NR5A2: variants seen among roughly 807,000 people sequenced by gnomAD.
NR5A2 encodes nuclear receptor subfamily 5 group A member 2, also known as CYP7A promoter-binding factor.
NR5A2 carries 26 observed loss-of-function variants against 62.7 expected under a neutral mutation model. That is an observed-to-expected ratio of 0.41 (90% CI 0.30 to 0.58). The LOEUF (loss-of-function observed/expected upper bound fraction) is 0.58. NR5A2 is among the 20% of genes least tolerant of loss of function. The pLI is 0.22. For missense variants in NR5A2, 541 were observed against 669.1 expected (o/e 0.81, Z 2.11); for synonymous variants, 246 against 241.7 (o/e 1.02, Z -0.16).
intron 7 of NR5A2, among the ~76,000 whole-genome samples, chr1:200,142,666 C>T (rs1454195219): frequency 6.6e-6 from 1 of 152,222 alleles, no homozygotes; most frequent in Non-Finnish European, 1.5e-5. Flanking sequence ...ATAGCTGGGA[C>T]TGCAAGTGCA....
At chr1:200,063,324 T>TA (rs1285094607) in intron 5 of NR5A2, among the ~76,000 whole-genome samples, 1 of 151,868 alleles carries the variant, frequency 6.6e-6, no homozygotes, top group African/African-American at 2.4e-5. Context: ...GCACCCGGCC[T>TA]AATTTTTGTA....
At chr1:200,115,513 T>C (rs1342548155) in intron 6 of NR5A2, among the ~76,000 whole-genome samples, 1 of 152,190 alleles carries the variant, frequency 6.6e-6, no homozygotes, top group Non-Finnish European at 1.5e-5. Flanking sequence ...TACTCACTTG[T>C]AGGAGATAAA....
chr1:200,134,072 G>A (rs2102333970), intron 7 of NR5A2, among the ~76,000 whole-genome samples: 1 of 152,200 alleles, frequency 6.6e-6, no homozygotes, highest in Non-Finnish European at 1.5e-5. Flanking sequence ...TTTTCATACA[G>A]CTGTACAATG....
intron 5 of NR5A2, among the ~76,000 whole-genome samples, chr1:200,052,856 G>A (rs533399650): frequency 2.1e-4 from 32 of 152,080 alleles, no homozygotes; most frequent in Middle Eastern, 3.4e-3. Context: ...TAGCCAGGAT[G>A]GTCTTGATCT....
rs1368713956 is a variant in NR5A2, at chr1:200,167,295, C to T, written c.1379-6668C>T. 4.6e-5 allele frequency among the ~76,000 whole-genome samples: 7 copies of T among 152,302 alleles called. No individual in the cohort carries two copies. The East Asian group carries it at 7.7e-4, about 17-fold the overall frequency. ...TCAAATCTGCTGCTCCTCTTGGTGA[C>T]AGCCACCACCTTCTTCCCTTAACAG... On this transcript the variant is annotated intron_variant, in intron 7 of 7. Coordinates refer to ENST00000367362, the MANE Select transcript of NR5A2 (RefSeq NM_205860.3).
chr1:200,109,686 G>C (rs1665849479), intron 5 of NR5A2, among the ~76,000 whole-genome samples: 1 of 152,152 alleles, frequency 6.6e-6, no homozygotes, highest in African/African-American at 2.4e-5. Flanking sequence ...ATTTGATAAA[G>C]TGAATTAAAT....
intron 7 of NR5A2, among the ~76,000 whole-genome samples, chr1:200,131,650 A>T (rs1409181969): frequency 2.0e-5 from 3 of 152,208 alleles, no homozygotes; most frequent in African/African-American, 7.2e-5. Flanking sequence ...TGGCTGTCTT[A>T]GTACCAGCTC....
intron 7 of NR5A2, among the ~76,000 whole-genome samples, chr1:200,169,250 T>TA (rs943365692): frequency 2.0e-5 from 3 of 151,978 alleles, no homozygotes; most frequent in African/African-American, 4.8e-5. Context: ...TAGTAATTTT[T>TA]AAAAAATAAA....
At chr1:200,079,588 A>G (rs1485212568) in intron 5 of NR5A2, among the ~76,000 whole-genome samples, 3 of 152,196 alleles carry the variant, frequency 2.0e-5, no homozygotes, top group Non-Finnish European at 4.4e-5. Flanking sequence ...TTGAGGAGAG[A>G]CATTCTGGAG....
In NR5A2 at chr1:200,045,475, A is replaced by G. The variant is rs1429566185; in HGVS notation, c.354A>G (p.Lys118=). Residue 118 remains lysine (K), a synonymous_variant, in exon 4 of 8, where the codon AAA becomes AAG. Coordinates refer to ENST00000367362, the MANE Select transcript of NR5A2 (RefSeq NM_205860.3). ...GFFKRTVQNN[K]RYTCIENQNC... ...TTAAGCGAACAGTCCAAAATAATAA[A>G]AGGTACACATGTATAGAAAACCAGA... 2 of 1,610,912 alleles carry G rather than the reference A, an allele frequency of 1.2e-6. No individual in the cohort carries two copies. Among genetic ancestry groups the G allele is most frequent in the Admixed American group, 1.7e-5 (1 of 59,546 alleles).
chr1:200,136,978 T>A (rs1210430176), intron 7 of NR5A2, among the ~76,000 whole-genome samples: 1 of 152,050 alleles, frequency 6.6e-6, no homozygotes, highest in Non-Finnish European at 1.5e-5. Flanking sequence ...CTTTTCTTTA[T>A]CTTTTTTTTG....
intron 6 of NR5A2, among the ~76,000 whole-genome samples, chr1:200,120,323 A>T (rs1338170525): frequency 1.3e-5 from 2 of 152,208 alleles, no homozygotes; most frequent in Non-Finnish European, 2.9e-5. Context: ...TTCACTTTTC[A>T]TGGACAGTAT....
intron 7 of NR5A2, among the ~76,000 whole-genome samples, chr1:200,154,747 A>G (rs1231372443): frequency 1.3e-5 from 2 of 152,206 alleles, no homozygotes; most frequent in Non-Finnish European, 2.9e-5. Context: ...GTTTCAGCAG[A>G]ACATTTAGGA....
intron 5 of NR5A2, chr1:200,054,166 G>A (rs1026079506): frequency 6.6e-6 from 1 of 152,172 alleles, no homozygotes; most frequent in African/African-American, 2.4e-5. Context: ...CCATAAAAAA[G>A]AGAACACAGG....
intron 7 of NR5A2, among the ~76,000 whole-genome samples, chr1:200,146,279 A>G (rs2816965): frequency 0.82 from 124,548 of 152,268 alleles, 53,834 homozygotes; most frequent in East Asian, 0.95. Flanking sequence ...GGTGAATCTG[A>G]TCTGTCTACA....
intron 5 of NR5A2, among the ~76,000 whole-genome samples, chr1:200,066,529 A>G (rs552024549): frequency 6.6e-6 from 1 of 151,916 alleles, no homozygotes; most frequent in Non-Finnish European, 1.5e-5. Flanking sequence ...GCTCTTCCCA[A>G]AGATTTCTCA....
intron 7 of NR5A2, among the ~76,000 whole-genome samples, chr1:200,132,948 C>T (rs574156269): frequency 3.3e-5 from 5 of 152,166 alleles, no homozygotes; most frequent in African/African-American, 4.8e-5. Flanking sequence ...TTGCTGAATA[C>T]AAACACGTCT....
At chr1:200,172,699 C>T (rs915028332) in intron 7 of NR5A2, among the ~76,000 whole-genome samples, 10 of 152,128 alleles carry the variant, frequency 6.6e-5, no homozygotes, top group African/African-American at 2.4e-4. Flanking sequence ...CAGTGTAAAG[C>T]CATTTAGAAA....
chr1:200,156,055 A>G (rs1053413750), intron 7 of NR5A2, among the ~76,000 whole-genome samples: 1 of 152,208 alleles, frequency 6.6e-6, no homozygotes, highest in African/African-American at 2.4e-5. Flanking sequence ...TTAGAGAACT[A>G]TGAGTGGTCG....
Sources: allele counts gnomAD v4.1 joint callset (sites outside exome capture counted in the v4.1 genomes callset), GRCh38; gene constraint gnomAD v4.1.1; transcripts MANE v1.5; gene names NCBI Gene and HGNC (gene_info 2026-07-23, HGNC 2026-07-21).